RHOBTB3: variants seen among roughly 807,000 people sequenced by gnomAD.
RHOBTB3 encodes Rho related BTB domain containing 3.
RHOBTB3 carries 47 observed loss-of-function variants against 67.2 expected under a neutral mutation model. The ratio of observed to expected loss-of-function variants is 0.70; its 90% confidence interval spans 0.55 to 0.89. The LOEUF (loss-of-function observed/expected upper bound fraction) is 0.89. RHOBTB3 is among the 40% of genes least tolerant of loss of function. RHOBTB3 has a pLI of 0.00. For synonymous variants in RHOBTB3, 273 were observed against 274.2 expected, an observed-to-expected ratio of 1.00 and a Z score of 0.04; for missense variants, 631 against 750.0, an observed-to-expected ratio of 0.84 and a Z score of 1.85.
chr5:95,731,709 A>G (rs1220901610), intron 1 of RHOBTB3, 25 bp downstream of exon 1: 4 of 1,613,252 alleles, frequency 2.5e-6, no homozygotes, highest in Non-Finnish European at 3.4e-6. Flanking sequence ...CCGTCCTGCC[A>G]TTGTCTCTCT....
At chr5:95,763,945 G>C (rs529297121) in intron 7 of RHOBTB3, among the ~76,000 whole-genome samples, 1 of 151,836 alleles carries the variant, frequency 6.6e-6, no homozygotes, top group East Asian at 1.9e-4. Context: ...AAGGAGCTGG[G>C]ACTATAGATA....
chr5:95,783,266 C>T (rs144877072), intron 9 of RHOBTB3, among the ~76,000 whole-genome samples: 610 of 151,702 alleles, frequency 4.0e-3, no homozygotes, highest in Non-Finnish European at 6.1e-3. Context: ...GGACTACAGG[C>T]GCCCGCCACC....
rs1745223912 is a variant in RHOBTB3 at position 95,755,697 on chromosome 5, A to G, written c.984A>G (p.Arg328=). ...SHESSGNPPL[R]VIVKDALFCS... is the part of the protein sequence containing the mutation. ...AATCTTCAGGCAACCCACCATTACG[A>G]GTCATTGTTAAAGACGCCCTCTTCT... Residue 328 remains arginine, a synonymous_variant, in exon 6 of 12, where the codon CGA becomes CGG. Transcript: ENST00000379982. The G allele has an allele frequency of 6.2e-7, 1 of 1,614,072 alleles. No homozygotes were observed. Among genetic ancestry groups the G allele is most frequent in the Non-Finnish European group, 8.5e-7 (1 of 1,179,990 alleles).
intron 8 of RHOBTB3, among the ~76,000 whole-genome samples, chr5:95,777,647 A>G (rs1033882917): frequency 2.6e-5 from 4 of 152,248 alleles, no homozygotes; most frequent in Non-Finnish European, 4.4e-5. Flanking sequence ...TTTTATATAC[A>G]GTGTTGAAAG....
intron 1 of RHOBTB3, among the ~76,000 whole-genome samples, chr5:95,721,932 A>G (rs1038273394): frequency 5.3e-5 from 8 of 152,172 alleles, no homozygotes; most frequent in Admixed American, 2.0e-4. Flanking sequence ...CAAAAAAGGA[A>G]AAATCTCTAA....
chr5:95,775,462 A>G (rs961600071), intron 8 of RHOBTB3, among the ~76,000 whole-genome samples: 9 of 149,936 alleles, frequency 6.0e-5, no homozygotes, highest in Non-Finnish European at 1.0e-4. Context: ...TAATATATGT[A>G]TATACATATC....
At chr5:95,749,950 T>G (rs1425076793) in intron 4 of RHOBTB3, among the ~76,000 whole-genome samples, 1 of 152,164 alleles carries the variant, frequency 6.6e-6, no homozygotes, top group Non-Finnish European at 1.5e-5. Flanking sequence ...AATGTTGCAA[T>G]TAGGGTTAGA....
At chr5:95,769,153 G>T in intron 8 of RHOBTB3, 2 of 362,648 alleles carry the variant, frequency 5.5e-6, no homozygotes, top group Non-Finnish European at 5.5e-6. Context: ...AGCTGCTACA[G>T]TGGGGCCGAA....
intron 3 of RHOBTB3, among the ~76,000 whole-genome samples, chr5:95,745,241 A>G (rs894162233): frequency 2.8e-5 from 4 of 144,122 alleles, no homozygotes; most frequent in African/African-American, 7.7e-5. Context: ...GCTTCTTGAA[A>G]TTCTTTTTAA....
At chr5:95,765,353 C>T (rs1580415621) in intron 7 of RHOBTB3, among the ~76,000 whole-genome samples, 1 of 152,082 alleles carries the variant, frequency 6.6e-6, no homozygotes, top group African/African-American at 2.4e-5. Flanking sequence ...AAAATGAATT[C>T]TTATTGGGGA....
At chr5:95,731,293 AC>A (rs1386102656), upstream of RHOBTB3, 2 of 1,029,826 alleles carry the variant, frequency 1.9e-6, no homozygotes, top group African/African-American at 3.4e-5. Flanking sequence ...GATCTCCCCG[AC>A]CCCCCTTCTC....
intron 6 of RHOBTB3, among the ~76,000 whole-genome samples, chr5:95,762,231 C>T (rs1745414367): frequency 6.6e-6 from 1 of 152,146 alleles, no homozygotes; most frequent in Non-Finnish European, 1.5e-5. Context: ...TTAGGAAGGC[C>T]AGGTGGGGAG....
chr5:95,788,681 T>C (rs900971952), intron 10 of RHOBTB3, 81 bp from the exon 11 acceptor site: 2 of 896,698 alleles, frequency 2.2e-6, no homozygotes, highest in Non-Finnish European at 3.5e-6. Context: ...TCTCCGTGAT[T>C]GCTCCCAGGC....
intron 8 of RHOBTB3, among the ~76,000 whole-genome samples, chr5:95,773,307 G>C (rs1379513710): frequency 1.3e-5 from 2 of 152,104 alleles, no homozygotes; most frequent in African/African-American, 4.8e-5. Context: ...CAACTGCTGT[G>C]GTGCTCTTCA....
intron 3 of RHOBTB3, among the ~76,000 whole-genome samples, chr5:95,745,746 C>T (rs966943044): frequency 6.6e-6 from 1 of 152,090 alleles, no homozygotes; most frequent in African/African-American, 2.4e-5. Context: ...TTCAGAGTCA[C>T]GTGACCATGC....
At chr5:95,730,752 C>A (rs1464763062), upstream of RHOBTB3, 5 of 361,660 alleles carry the variant, frequency 1.4e-5, no homozygotes, top group African/African-American at 1.1e-4. Flanking sequence ...AATAATCCCC[C>A]CAAGGCGACA....
intron 11 of RHOBTB3, chr5:95,789,623 A>G (rs950477194): frequency 6.6e-6 from 1 of 152,208 alleles, no homozygotes; most frequent in Admixed American, 6.5e-5. Flanking sequence ...GGACAAATAA[A>G]TCTCCGTGGA....
In RHOBTB3 at chr5:95,767,784, C is replaced by T. The variant is rs146591182; in HGVS notation, c.1162-262C>T. The T allele has an allele frequency of 1.4e-4, 101 of 701,992 alleles. 1 individual carries two copies. In the East Asian group the frequency reaches 2.7e-3, roughly 19 times the overall value. The allele number at this position is 701,992 out of a possible 1,614,324, so 43.5% of individuals were successfully genotyped here. A position where few individuals can be genotyped will look rare whatever the true frequency, so the allele number is the denominator to read the frequency against. On this transcript the variant is annotated intron_variant, in intron 7 of 11. Transcript: ENST00000379982. Reference sequence around the variant, plus strand: ...CTCATAGGGTTTCAGGACCTTGCAGCTTCTCAGCAATGGAGCTGAGTTTTC... The same window carrying T: ...CTCATAGGGTTTCAGGACCTTGCAGTTTCTCAGCAATGGAGCTGAGTTTTC...
chr5:95,753,265 GTCTT>G (rs1191421735), intron 5 of RHOBTB3, among the ~76,000 whole-genome samples: 7 of 142,850 alleles, frequency 4.9e-5, no homozygotes, highest in Non-Finnish European at 4.6e-5. Flanking sequence ...GTGTGTGTGT[GTCTT>G]TCTGTCTCTC....
Sources: gnomAD v4.1 joint callset for allele counts (sites outside exome capture counted in the v4.1 genomes callset) on GRCh38, gnomAD v4.1.1 for gene constraint, MANE v1.5 for transcripts, NCBI Gene and HGNC (gene_info 2026-07-23, HGNC 2026-07-21) for gene names.